The following CCDC158 variants were observed in gnomAD, a reference collection of about 807,000 sequenced individuals.
CCDC158 encodes coiled-coil domain containing 158.
CCDC158 carries 116 observed loss-of-function variants against 138.6 expected under a neutral mutation model. That is an observed-to-expected ratio of 0.84 (90% CI 0.72 to 0.98). The LOEUF (loss-of-function observed/expected upper bound fraction) is 0.98. Ranked by LOEUF, CCDC158 falls within the 50% of genes least tolerant of loss-of-function variation. CCDC158 has a pLI of 0.00. For synonymous variants in CCDC158, 436 were observed against 442.4 expected, an observed-to-expected ratio of 0.99 and a Z score of 0.18; for missense variants, 1,265 against 1,306.1, an observed-to-expected ratio of 0.97 and a Z score of 0.48.
chr4:76,315,508 G>A (rs866312864), intron 24 of CCDC158, among the ~76,000 whole-genome samples: 4 of 152,070 alleles, frequency 2.6e-5, no homozygotes, highest in African/African-American at 7.2e-5. Context: ...AACCAACTCC[G>A]AACATTACAG....
chr4:76,363,996 G>T (rs889065959), intron 12 of CCDC158, among the ~76,000 whole-genome samples: 40 of 152,196 alleles, frequency 2.6e-4, no homozygotes, highest in Middle Eastern at 6.8e-3. Flanking sequence ...TTTGACTAGG[G>T]TAGGGAATGT....
At chr4:76,409,878 A>G (rs934353799) in intron 2 of CCDC158, among the ~76,000 whole-genome samples, 3 of 151,662 alleles carry the variant, frequency 2.0e-5, no homozygotes, top group African/African-American at 7.3e-5. Flanking sequence ...CTGTGTATCT[A>G]TTCTACTCTA....
chr4:76,404,114 G>T (rs1183588072), intron 2 of CCDC158, among the ~76,000 whole-genome samples: 1 of 152,000 alleles, frequency 6.6e-6, no homozygotes, highest in Admixed American at 6.6e-5. Flanking sequence ...TCTCCCCTAG[G>T]GACATGGCAG....
intron 4 of CCDC158, among the ~76,000 whole-genome samples, chr4:76,385,056 A>C (rs575101484): frequency 1.4e-3 from 212 of 152,172 alleles, no homozygotes; most frequent in African/African-American, 5.0e-3. Context: ...ACCATCCAAA[A>C]CTCCAGGTGT....
At chr4:76,369,380 C>A (rs1469888107) in intron 11 of CCDC158, 46 bp downstream of exon 11, 4 of 1,577,144 alleles carry the variant, frequency 2.5e-6, no homozygotes, top group East Asian at 4.5e-5. Flanking sequence ...ATTTATTTCC[C>A]CAGAGGAGAT....
In CCDC158 at chr4:76,369,526, T is replaced by A. The variant is rs777150268; in HGVS notation, c.1247A>T (p.His416Leu). The change falls in exon 11 of 25, where the codon CAC (histidine) becomes CTC (leucine). Residue 416 changes from histidine (H) to leucine (L), a missense_variant. Physicochemically the swap from His to Leu is moderately conservative, Grantham distance 99 (BLOSUM62 -3). Coordinates refer to ENST00000682701, the MANE Select transcript of CCDC158 (RefSeq NM_001394954.1). Reference protein sequence around the residue: ...RDTGNSITIDHLRRELDNRNM... With the variant: ...RDTGNSITIDLLRRELDNRNM... ...CCGGTTGTCCAGTTCCCGCCGCAGG[T>A]GGTCAATGGTGATGCTGTTGCCTGT... The A allele has an allele frequency of 6.2e-7, 1 of 1,614,118 alleles. No homozygotes were observed. The highest frequency in any genetic ancestry group is 1.1e-5 in the South Asian group (1 of 91,082).
chr4:76,412,282 G>C (rs1729352199), intron 1 of CCDC158, 150 bp from the exon 2 acceptor site: 1 of 152,130 alleles, frequency 6.6e-6, no homozygotes, highest in African/African-American at 2.4e-5. Context: ...GCAACAAGAA[G>C]TGTTATTTTT....
rs373538331 is a variant in CCDC158 at position 76,384,665 on chromosome 4, T to C, written c.289A>G (p.Ser97Gly). ...VKDLQRRLNESNELHEKQKFY... is the reference protein window; with the variant it reads ...VKDLQRRLNEGNELHEKQKFY... ...TTTTGTTTCTCATGCAATTCATTGC[T>C]CTGAAAAAAAAAGCCATGCAAATTA... The change falls in exon 5 of 25, where the codon AGC (serine) becomes GGC (glycine). Residue 97 changes from serine to glycine, a missense_variant and splice_region_variant. Ser to Gly is a moderately conservative substitution (Grantham distance 56, BLOSUM62 0). Coordinates refer to ENST00000682701, the MANE Select transcript of CCDC158 (RefSeq NM_001394954.1). The C allele has an allele frequency of 6.9e-6, 11 of 1,600,692 alleles. No individual in the cohort carries two copies. The highest frequency in any genetic ancestry group is 9.4e-6 in the Non-Finnish European group (11 of 1,172,730).
At chr4:76,324,435 C>T (rs1720337367) in intron 23 of CCDC158, among the ~76,000 whole-genome samples, 1 of 152,146 alleles carries the variant, frequency 6.6e-6, no homozygotes, top group South Asian at 2.1e-4. Context: ...GATCCACCCA[C>T]CTCAGCCTTC....
rs772828677 is a variant in CCDC158 at position 76,357,358 on chromosome 4, A to G, written c.2173+16T>C. ...TTAAAAACAGAAGAAAAAATTTTAA[A>G]TCTAACAGAGCATACCATGACCATC... On this transcript the variant is annotated intron_variant, in intron 14 of 24. Coordinates refer to ENST00000682701, the MANE Select transcript of CCDC158 (RefSeq NM_001394954.1). The G allele has an allele frequency of 2.7e-6, 4 of 1,470,746 alleles. No individual in the cohort carries two copies. The allele number at this position is 1,470,746 out of a possible 1,614,324, so 91.1% of individuals were successfully genotyped here. A position where few individuals can be genotyped will look rare whatever the true frequency, so the allele number is the denominator to read the frequency against.
intron 24 of CCDC158, among the ~76,000 whole-genome samples, chr4:76,321,140 G>A (rs1719957476): frequency 6.6e-6 from 1 of 152,034 alleles, no homozygotes; most frequent in Admixed American, 6.6e-5. Flanking sequence ...ATACACAAAT[G>A]GTCAACAAAC....
intron 24 of CCDC158, among the ~76,000 whole-genome samples, chr4:76,317,113 A>C (rs1236500799): frequency 2.9e-4 from 44 of 152,104 alleles, no homozygotes; most frequent in Admixed American, 2.9e-3. Flanking sequence ...TAGGATGAAC[A>C]AAACAGTATC....
intron 19 of CCDC158, among the ~76,000 whole-genome samples, chr4:76,332,930 A>G (rs1399731176): frequency 6.6e-6 from 1 of 152,188 alleles, no homozygotes; most frequent in Non-Finnish European, 1.5e-5. Flanking sequence ...CCTCTGCTTC[A>G]TAGGAGGAGG....
chr4:76,355,080 T>G (rs1723414209), intron 15 of CCDC158, among the ~76,000 whole-genome samples: 1 of 152,182 alleles, frequency 6.6e-6, no homozygotes, highest in African/African-American at 2.4e-5. Flanking sequence ...TCACTGTATT[T>G]TGTTTATAAT....
At chr4:76,328,359 A>G (rs1368889001) in intron 22 of CCDC158, among the ~76,000 whole-genome samples, 2 of 152,244 alleles carry the variant, frequency 1.3e-5, no homozygotes, top group South Asian at 2.1e-4. Flanking sequence ...CTTGTCTCAC[A>G]GGGGTGACAC....
intron 12 of CCDC158, among the ~76,000 whole-genome samples, chr4:76,363,055 G>T (rs1724304765): frequency 6.6e-6 from 1 of 152,072 alleles, no homozygotes; most frequent in African/African-American, 2.4e-5. Context: ...ATTTTGGGAG[G>T]GTTCCCACCA....
At position 76,371,473 on chromosome 4, in the gene CCDC158, G is replaced by A. The variant is rs764577428; in HGVS notation, c.1093C>T (p.Arg365Cys). Residue 365 changes from arginine to cysteine, a missense_variant, in exon 10 of 25, where the codon CGT becomes TGT. By Grantham distance (180) the Arg-to-Cys change is radical. Coordinates refer to ENST00000682701, the MANE Select transcript of CCDC158 (RefSeq NM_001394954.1). The part of the protein sequence containing the change: ...NSELTEARTE[R>C]DQFSQESGNL... ...CCAGATTCCTGACTGAATTGATCAC[G>A]CTCTGTCCGGGCTTCAGTTAGCTCT... 8 of 1,613,810 alleles carry A rather than the reference G, an allele frequency of 5.0e-6. No individual in the cohort carries two copies. In the African/African-American group the frequency reaches 5.3e-5, roughly 11 times the overall value.
At chr4:76,396,156 C>A in intron 4 of CCDC158, 113 bp downstream of exon 4, 2 of 633,454 alleles carry the variant, frequency 3.2e-6, no homozygotes, top group South Asian at 2.8e-5. Context: ...ACCAATAAAC[C>A]CATTTGTTAG....
chr4:76,419,087 G>A (rs1048276324), intron 1 of CCDC158, among the ~76,000 whole-genome samples: 5 of 152,140 alleles, frequency 3.3e-5, no homozygotes, highest in African/African-American at 1.2e-4. Context: ...CTAAGGTAAG[G>A]ACAAAGCCTT....
Sources: allele counts gnomAD v4.1 joint callset (sites outside exome capture counted in the v4.1 genomes callset), GRCh38; gene constraint gnomAD v4.1.1; transcripts MANE v1.5; gene names NCBI Gene and HGNC (gene_info 2026-07-23, HGNC 2026-07-21).